Variants in DOCK9 observed in about 807,000 individuals in gnomAD.
DOCK9 encodes the protein dedicator of cytokinesis 9.
In DOCK9, 89 loss-of-function variants were observed where a neutral mutation model predicts 263.3. The ratio of observed to expected loss-of-function variants is 0.34; its 90% CI spans 0.28 to 0.40. The LOEUF (loss-of-function observed/expected upper bound fraction) is 0.40. Ranked by LOEUF, DOCK9 falls within the 10% of genes least tolerant of loss-of-function variation. DOCK9 has a pLI of 1.00. For synonymous variants in DOCK9, 976 were observed against 973.1 expected (o/e 1.00, Z -0.06); for missense variants, 2,140 against 2,603.4 (o/e 0.82, Z 3.87).
chr13:98,822,568 A>G (rs1002207186), intron 45 of DOCK9, among the ~76,000 whole-genome samples: 2 of 152,224 alleles, frequency 1.3e-5, no homozygotes, highest in Non-Finnish European at 2.9e-5. Context: ...CTTCTCAGAG[A>G]AAAACTCAGT....
intron 1 of DOCK9, among the ~76,000 whole-genome samples, chr13:99,049,141 T>C (rs1174028287): frequency 6.6e-6 from 1 of 152,246 alleles, no homozygotes; most frequent in Non-Finnish European, 1.5e-5. Flanking sequence ...CTCAATTCTC[T>C]CATTACTCAA....
At chr13:99,079,210 T>C (rs1342758350) in intron 1 of DOCK9, among the ~76,000 whole-genome samples, 2 of 152,136 alleles carry the variant, frequency 1.3e-5, no homozygotes, top group Non-Finnish European at 2.9e-5. Flanking sequence ...TATAGACAAA[T>C]AGCTACAGGG....
At chr13:98,824,373 A>C in intron 45 of DOCK9, 25 bp downstream of exon 45, 1 of 1,607,830 alleles carries the variant, frequency 6.2e-7, no homozygotes, top group African/African-American at 1.3e-5. Context: ...AGTACCTGAA[A>C]GCCCACATGA....
chr13:98,952,044 C>T (rs1273577247), intron 2 of DOCK9, among the ~76,000 whole-genome samples: 1 of 150,930 alleles, frequency 6.6e-6, no homozygotes, highest in Non-Finnish European at 1.5e-5. Flanking sequence ...ATTATAGGTG[C>T]CCACCACCAT....
chr13:98,976,012 C>T (rs2141479719), intron 1 of DOCK9, among the ~76,000 whole-genome samples: 1 of 152,380 alleles, frequency 6.6e-6, no homozygotes, highest in Non-Finnish European at 1.5e-5. Context: ...GGTAAGAGAT[C>T]TGCCCTCGGC....
At position 98,826,877 on chromosome 13, in the gene DOCK9, C is replaced by A; in HGVS notation, c.4976G>T (p.Cys1659Phe). The change falls in exon 44 of 53, where the codon TGC becomes TTC. Residue 1659 changes from cysteine to phenylalanine, a missense_variant. This residue lies in a region of DOCK9 where 619 missense variants were observed against 861.8 expected (regional missense o/e 0.72). Transcript: ENST00000682017. ...CACTAGGGCTGTTACGTGGACATAG[C>A]ACATTGCTGCCTATAATAGAAGACA... ...KNGDLSEAAM[C>F]YVHVTALVAE... The A allele has an allele frequency of 6.2e-7, 1 of 1,610,070 alleles. No homozygotes were observed. Among genetic ancestry groups the A allele is most frequent in the Non-Finnish European group, 8.5e-7 (1 of 1,178,070 alleles).
In DOCK9 at chr13:99,071,306, C is replaced by CCTTTTTTTTTTTTTTTTTTT. The variant is rs1286343497; in HGVS notation, c.129+14916_129+14917insAAAAAAAAAAAAAAAAAAAG. Among the ~76,000 whole-genome samples, 6 of 49,330 alleles carry CCTTTTTTTTTTTTTTTTTTT rather than the reference C, an allele frequency of 1.2e-4. No homozygotes were observed. In the East Asian group the frequency reaches 2.0e-3, roughly 17 times the overall value. The allele number at this position is 49,330 out of a possible 152,430, so 32.4% of individuals were successfully genotyped here. A position where few individuals can be genotyped will look rare whatever the true frequency, so the allele number is the denominator to read the frequency against. The stretch of plus-strand genomic sequence containing the variant: ...TACAGGTGCTTGCCACCATGCCTGG[C>CCTTTTTTTTTTTTTTTTTTT]TTTTTTTTTTTTTTTTTTTTTTTTT... On this transcript the variant is annotated intron_variant, in intron 1 of 32. Transcript: ENST00000427887.
intron 48 of DOCK9, among the ~76,000 whole-genome samples, chr13:98,807,075 A>C (rs1284559727): frequency 6.6e-6 from 1 of 152,198 alleles, no homozygotes; most frequent in East Asian, 1.9e-4. Flanking sequence ...AAGCAGAGGG[A>C]GACCTGACCT....
intron 1 of DOCK9, among the ~76,000 whole-genome samples, chr13:99,001,196 T>C (rs1316708177): frequency 1.3e-5 from 2 of 152,256 alleles, no homozygotes; most frequent in African/African-American, 4.8e-5. Context: ...TATTTAAATA[T>C]ACTGCCTTAC....
chr13:98,987,959 A>T (rs1403604059), intron 1 of DOCK9, among the ~76,000 whole-genome samples: 1 of 152,166 alleles, frequency 6.6e-6, no homozygotes, highest in African/African-American at 2.4e-5. Flanking sequence ...TTTTAAATTT[A>T]AAAAATAAAA....
chr13:99,051,855 C>CAAAAAAAAAAAAAAAAAAAAAAAAAA (rs11392986), intron 1 of DOCK9, among the ~76,000 whole-genome samples: 1 of 106,056 alleles, frequency 9.4e-6, no homozygotes, highest in African/African-American at 3.6e-5. Flanking sequence ...CCACTAGTGG[C>CAAAAAAAAAAAAAAAAAAAAAAAAAA]AAAAAAAAAA....
At chr13:98,921,217 G>T in intron 6 of DOCK9, 129 bp from the exon 7 acceptor site, 5 of 931,908 alleles carry the variant, frequency 5.4e-6, no homozygotes, top group Non-Finnish European at 7.8e-6. Flanking sequence ...GATGCTCCAG[G>T]TCACTGTGGG....
At chr13:99,077,630 G>C (rs1171965750) in intron 1 of DOCK9, among the ~76,000 whole-genome samples, 2 of 152,314 alleles carry the variant, frequency 1.3e-5, no homozygotes, top group South Asian at 2.1e-4. Flanking sequence ...AAAGAAAGGA[G>C]ACAGGAAAGG....
intron 1 of DOCK9, among the ~76,000 whole-genome samples, chr13:99,075,731 T>C (rs542284937): frequency 6.6e-6 from 1 of 152,158 alleles, no homozygotes; most frequent in Admixed American, 6.5e-5. Context: ...CTTAGAACAT[T>C]TGCCTAACTG....
At chr13:98,887,143 ATTTTTTTTTTTTTTTTT>A (rs58434344) in intron 18 of DOCK9, among the ~76,000 whole-genome samples, 8 of 95,244 alleles carry the variant, frequency 8.4e-5, no homozygotes, top group African/African-American at 3.5e-4. Flanking sequence ...ATATATATAT[ATTTTTTTTTTTTTTTTT>A]TTTTTTTGCA....
chr13:98,946,868 T>C (rs2140756174), intron 2 of DOCK9, among the ~76,000 whole-genome samples: 1 of 152,296 alleles, frequency 6.6e-6, no homozygotes, highest in East Asian at 1.9e-4. Context: ...CTGCCCTCTC[T>C]GCCTGCCTTC....
At position 98,941,777 on chromosome 13, in the gene DOCK9, C is replaced by G. The variant is rs964036867; in HGVS notation, c.244-11520G>C. Reference sequence around the variant, plus strand: ...AGTTGAGGATGGCAACTAAAAACAGCCTCCTCAAAAATAAAATGACATTCC... The same window carrying G: ...AGTTGAGGATGGCAACTAAAAACAGGCTCCTCAAAAATAAAATGACATTCC... On this transcript the variant is annotated intron_variant, in intron 2 of 52. Transcript: ENST00000682017. 5.3e-5 allele frequency among the ~76,000 whole-genome samples: 8 copies of G among 152,158 alleles called. No individual in the cohort carries two copies. The South Asian group carries it at 8.3e-4, about 16-fold the overall frequency.
chr13:98,925,194 A>G (rs1470664385), intron 4 of DOCK9, among the ~76,000 whole-genome samples: 2 of 152,006 alleles, frequency 1.3e-5, no homozygotes, highest in South Asian at 4.2e-4. Context: ...AAATAAATAA[A>G]TCTCTTTTCT....
chr13:98,933,698 T>C (rs912744602), intron 2 of DOCK9, among the ~76,000 whole-genome samples: 2 of 152,240 alleles, frequency 1.3e-5, no homozygotes, highest in Admixed American at 1.3e-4. Context: ...TACACACTAT[T>C]TGATCTCTTT....
Sources: gnomAD v4.1 joint callset for allele counts (sites outside exome capture counted in the v4.1 genomes callset) on GRCh38, gnomAD v4.1.1 for gene constraint, gnomAD v4.1.1 regional missense constraint, MANE v1.5 for transcripts, NCBI Gene and HGNC (gene_info 2026-07-23, HGNC 2026-07-21) for gene names.